INPP4B: variants seen among roughly 807,000 people sequenced by gnomAD.
INPP4B encodes inositol polyphosphate 4-phosphatase type II.
INPP4B carries 55 observed loss-of-function variants against 122.5 expected under a neutral mutation model. The observed-to-expected ratio is 0.45, with a 90% confidence interval of 0.36 to 0.56. INPP4B has a LOEUF of 0.56. Ranked by LOEUF, INPP4B falls within the 20% of genes least tolerant of loss-of-function variation. The pLI, the probability that INPP4B is intolerant of heterozygous loss-of-function variation, is 0.00. For synonymous variants in INPP4B, 403 were observed against 388.7 expected, an observed-to-expected ratio of 1.04 and a Z score of -0.43; for missense variants, 1,000 against 1,097.7, an observed-to-expected ratio of 0.91 and a Z score of 1.26.
intron 18 of INPP4B, among the ~76,000 whole-genome samples, chr4:142,143,141 C>G (rs946632392): frequency 6.6e-6 from 1 of 152,186 alleles, no homozygotes; most frequent in East Asian, 1.9e-4. Context: ...GTGATCCACT[C>G]CTTGGTTTTT....
intron 25 of INPP4B, chr4:142,029,687 TCAG>T (rs917042399): frequency 1.0e-6 from 1 of 985,664 alleles, no homozygotes; most frequent in African/African-American, 1.7e-5. Context: ...AAAATTTCTA[TCAG>T]CAGATGGCAT....
chr4:142,537,432 A>ATATATATAT (rs1828390649), intron 2 of INPP4B, among the ~76,000 whole-genome samples: 1 of 42,242 alleles, frequency 2.4e-5, no homozygotes, highest in Non-Finnish European at 4.4e-5. Context: ...ATATATATAG[A>ATATATATAT]GAGAGAGAGA....
At chr4:142,825,496 AT>A (rs1173932643) in intron 1 of INPP4B, among the ~76,000 whole-genome samples, 6 of 152,094 alleles carry the variant, frequency 3.9e-5, no homozygotes, top group African/African-American at 1.2e-4. Context: ...ATATCATATC[AT>A]ATATCATTGA....
intron 25 of INPP4B, among the ~76,000 whole-genome samples, chr4:142,068,122 C>T (rs946679196): frequency 3.3e-5 from 5 of 152,200 alleles, no homozygotes; most frequent in African/African-American, 9.7e-5. Context: ...ATCAGACTAA[C>T]AGCGGATCTC....
intron 2 of INPP4B, among the ~76,000 whole-genome samples, chr4:142,562,371 C>T (rs928640222): frequency 1.3e-5 from 2 of 152,158 alleles, no homozygotes; most frequent in African/African-American, 2.4e-5. Context: ...ATTCTCATTA[C>T]GAGAAGCTAA....
intron 24 of INPP4B, among the ~76,000 whole-genome samples, chr4:142,082,963 T>C (rs1774797260): frequency 6.6e-6 from 1 of 152,092 alleles, no homozygotes; most frequent in East Asian, 1.9e-4. Context: ...CTCCTCTCTA[T>C]TTAAATAAAT....
chr4:142,067,561 G>A (rs921078830), intron 25 of INPP4B, among the ~76,000 whole-genome samples: 2 of 152,120 alleles, frequency 1.3e-5, no homozygotes, highest in Admixed American at 6.6e-5. Flanking sequence ...CAAACCCATT[G>A]CAAGGAAGCT....
At chr4:142,635,109 C>A (rs1422082679) in intron 2 of INPP4B, among the ~76,000 whole-genome samples, 3 of 151,978 alleles carry the variant, frequency 2.0e-5, no homozygotes, top group Non-Finnish European at 4.4e-5. Flanking sequence ...TGGAAAAAAG[C>A]TCAATATTAC....
At chr4:142,605,705 G>A (rs1401025112) in intron 2 of INPP4B, among the ~76,000 whole-genome samples, 8 of 151,792 alleles carry the variant, frequency 5.3e-5, no homozygotes, top group African/African-American at 1.7e-4. Context: ...AATCATATGG[G>A]AAACACAAAT....
At chr4:142,222,216 T>G (rs1849663877) in intron 12 of INPP4B, among the ~76,000 whole-genome samples, 1 of 152,324 alleles carries the variant, frequency 6.6e-6, no homozygotes, top group African/African-American at 2.4e-5. Flanking sequence ...TGCTTAGGCC[T>G]CCCAAAGTGC....
At chr4:142,531,786 C>T (rs1827648290) in intron 2 of INPP4B, among the ~76,000 whole-genome samples, 1 of 151,992 alleles carries the variant, frequency 6.6e-6, no homozygotes, top group South Asian at 2.1e-4. Context: ...CAGTGGTAGA[C>T]TATTTCTCAA....
At chr4:142,710,670 C>T (rs1216845512) in intron 2 of INPP4B, among the ~76,000 whole-genome samples, 5 of 152,206 alleles carry the variant, frequency 3.3e-5, no homozygotes, top group African/African-American at 1.2e-4. Context: ...TATCCTCCAC[C>T]TATACCTCAT....
chr4:142,402,155 A>T (rs1801829094), intron 7 of INPP4B, among the ~76,000 whole-genome samples: 1 of 152,214 alleles, frequency 6.6e-6, no homozygotes, highest in Non-Finnish European at 1.5e-5. Context: ...GCCATTAAAG[A>T]GTTTACTGCC....
At chr4:142,801,164 T>C (rs2151090205) in intron 1 of INPP4B, among the ~76,000 whole-genome samples, 1 of 152,170 alleles carries the variant, frequency 6.6e-6, no homozygotes, top group South Asian at 2.1e-4. Flanking sequence ...ACTGGAGGTA[T>C]GGTCAAAAGC....
intron 1 of INPP4B, among the ~76,000 whole-genome samples, chr4:142,807,874 A>G (rs903985112): frequency 2.6e-5 from 4 of 152,222 alleles, no homozygotes; most frequent in South Asian, 2.1e-4. Context: ...TAACATTTAT[A>G]CTAGAACTAT....
intron 2 of INPP4B, among the ~76,000 whole-genome samples, chr4:142,679,411 T>C (rs2150674727): frequency 6.6e-6 from 1 of 152,076 alleles, no homozygotes; most frequent in Non-Finnish European, 1.5e-5. Flanking sequence ...TATTTACCTA[T>C]TGCTAGGCAA....
intron 2 of INPP4B, among the ~76,000 whole-genome samples, chr4:142,502,412 A>T: frequency 6.6e-6 from 1 of 152,146 alleles, no homozygotes; most frequent in East Asian, 1.9e-4. Context: ...GGCCAAAACC[A>T]ACATGTAAAC....
At chr4:142,676,540 C>G (rs1422626651) in intron 2 of INPP4B, among the ~76,000 whole-genome samples, 1 of 152,014 alleles carries the variant, frequency 6.6e-6, no homozygotes, top group Non-Finnish European at 1.5e-5. Context: ...CAAGACAATC[C>G]TAAGTAAAAA....
intron 9 of INPP4B, among the ~76,000 whole-genome samples, chr4:142,272,337 T>C (rs1746260417): frequency 1.3e-5 from 2 of 152,062 alleles, no homozygotes; most frequent in South Asian, 2.1e-4. Flanking sequence ...TTGAATTATG[T>C]TTTTAAGAAA....
Sources: gnomAD v4.1 joint callset for allele counts (sites outside exome capture counted in the v4.1 genomes callset) on GRCh38, gnomAD v4.1.1 for gene constraint, MANE v1.5 for transcripts, NCBI Gene and HGNC (gene_info 2026-07-23, HGNC 2026-07-21) for gene names.